C21orf91: variants seen among roughly 807,000 people sequenced by gnomAD.
The protein encoded by C21orf91 is protein EURL homolog.
A neutral mutation model predicts 32.9 loss-of-function variants in C21orf91; 26 were observed. The ratio of observed to expected loss-of-function variants is 0.79; its 90% CI spans 0.58 to 1.10. C21orf91 has a LOEUF of 1.10. Ranked by LOEUF, C21orf91 falls within the 50% of genes least tolerant of loss-of-function variation. The pLI is 0.00. For missense variants in C21orf91, 310 were observed against 341.3 expected, an observed-to-expected ratio of 0.91 and a Z score of 0.72; for synonymous variants, 126 against 120.4, an observed-to-expected ratio of 1.05 and a Z score of -0.31.
chr21:17,800,375 A>C (rs989887856), intron 2 of C21orf91, among the ~76,000 whole-genome samples: 12 of 152,214 alleles, frequency 7.9e-5, no homozygotes, highest in Non-Finnish European at 1.5e-4. Flanking sequence ...GAAAAAAATT[A>C]CTTTTTAATC....
In C21orf91 at chr21:17,793,624, C is replaced by T. The variant is rs371460924; in HGVS notation, c.728-43G>A. ...ACTTTCATTTTTAGTATGCAGAAAG[C>T]CGGTGCTATGATTTATATTTCAAGA... On this transcript the variant is annotated intron_variant, in intron 4 of 4. Coordinates refer to ENST00000284881, the MANE Select transcript of C21orf91 (RefSeq NM_001100420.2). The T allele has an allele frequency of 5.9e-6, 8 of 1,360,888 alleles. No individual in the cohort carries two copies. The African/African-American group carries it at 8.7e-5, about 15-fold the overall frequency. The allele number at this position is 1,360,888 out of a possible 1,614,324, so 84.3% of individuals were successfully genotyped here.
intron 2 of C21orf91, among the ~76,000 whole-genome samples, chr21:17,808,466 A>G (rs1309790205): frequency 6.6e-6 from 1 of 152,204 alleles, no homozygotes; most frequent in Non-Finnish European, 1.5e-5. Context: ...GAGCCCCCAC[A>G]AAGAGTCCCC....
chr21:17,808,079 T>TAA (rs2146258414), intron 2 of C21orf91, among the ~76,000 whole-genome samples: 1 of 152,210 alleles, frequency 6.6e-6, no homozygotes, highest in East Asian at 1.9e-4. Flanking sequence ...AGACCTTTGT[T>TAA]GCAGCCCTTC....
At chr21:17,808,068 G>A (rs2062609851) in intron 2 of C21orf91, among the ~76,000 whole-genome samples, 1 of 152,212 alleles carries the variant, frequency 6.6e-6, no homozygotes, top group South Asian at 2.1e-4. Context: ...AGGCATTTCA[G>A]AGACCTTTGT....
chr21:17,803,572 A>G (rs2062576502), intron 2 of C21orf91, among the ~76,000 whole-genome samples: 1 of 152,170 alleles, frequency 6.6e-6, no homozygotes, highest in Non-Finnish European at 1.5e-5. Context: ...AGCCTAAGTA[A>G]TTTTCCAAGA....
intron 4 of C21orf91, among the ~76,000 whole-genome samples, chr21:17,794,405 C>T (rs191564190): frequency 3.2e-4 from 48 of 152,308 alleles, no homozygotes; most frequent in African/African-American, 1.1e-3. Context: ...GAGACTGTGA[C>T]TGTTTTTTAA....
intron 2 of C21orf91, among the ~76,000 whole-genome samples, chr21:17,800,224 T>C (rs1182396156): frequency 5.3e-5 from 8 of 152,204 alleles, no homozygotes. Context: ...GTTACATCAG[T>C]CGTACTAAAA....
At chr21:17,795,067 CT>C (rs1213675819) in intron 4 of C21orf91, 140 bp downstream of exon 4, 9 of 576,044 alleles carry the variant, frequency 1.6e-5, no homozygotes, top group Non-Finnish European at 2.8e-5. Flanking sequence ...CTTTCTTATT[CT>C]TTTTGCTCTG....
chr21:17,794,447 T>C (rs555065823), intron 4 of C21orf91, among the ~76,000 whole-genome samples: 14 of 152,318 alleles, frequency 9.2e-5, no homozygotes, highest in Admixed American at 9.1e-4. Context: ...AATCCTAAAC[T>C]ATTTATGGAC....
At chr21:17,794,359 C>T (rs1032865784) in intron 4 of C21orf91, among the ~76,000 whole-genome samples, 6 of 152,136 alleles carry the variant, frequency 3.9e-5, no homozygotes, top group East Asian at 1.9e-4. Context: ...TACTTGATGA[C>T]GTTAAGGAAT....
Position 17,791,198 on chromosome 21 carries a change from C to T in C21orf91, c.*2217G>A, listed in dbSNP as rs1279353107. ...TTTGGATAAACTGCTGTGCAAAATA[C>T]TTCAACAAAAAGTTTTTTTTACTAG... On this transcript the variant is annotated 3_prime_UTR_variant, in exon 5 of 5. Transcript: ENST00000284881. The T allele has an allele frequency of 2.0e-5, 3 of 152,042 alleles. No homozygotes were observed. The highest frequency in any genetic ancestry group is 4.8e-5 in the African/African-American group (2 of 41,416). The allele number at this position is 152,042 out of a possible 1,614,324, so 9.4% of individuals were successfully genotyped here. A position where few individuals can be genotyped will look rare whatever the true frequency, so the allele number is the denominator to read the frequency against.
At chr21:17,797,701 G>A (rs1227199875) in intron 2 of C21orf91, among the ~76,000 whole-genome samples, 1 of 151,310 alleles carries the variant, frequency 6.6e-6, no homozygotes, top group Middle Eastern at 3.2e-3. Context: ...CCATTTTATA[G>A]TTACTAAAAC....
At position 17,793,534 on chromosome 21, in the gene C21orf91, C is replaced by T; in HGVS notation, c.775G>A (p.Ala259Thr). 1 of 1,613,654 alleles carries T rather than the reference C, an allele frequency of 6.2e-7. No individual in the cohort carries two copies. The highest frequency in any genetic ancestry group is 8.5e-7 in the Non-Finnish European group (1 of 1,179,702). ...ACGTGGCGGACATGGAGCTGTGAGGCCAAAGAATCTTTTTCTTGCACTTGG... is the reference window on the plus strand; with the variant it reads ...ACGTGGCGGACATGGAGCTGTGAGGTCAAAGAATCTTTTTCTTGCACTTGG... ...THQVQEKDSL[A>T]SQLHVRHVAI... The change falls in exon 5 of 5, where the codon GCC becomes ACC. Residue 259 changes from alanine to threonine, a missense_variant. Transcript: ENST00000284881.
intron 2 of C21orf91, among the ~76,000 whole-genome samples, chr21:17,805,530 T>C (rs1168844017): frequency 6.6e-6 from 1 of 152,088 alleles, no homozygotes; most frequent in Non-Finnish European, 1.5e-5. Flanking sequence ...GCCAGGCTGG[T>C]CTCAAACTCC....
At chr21:17,803,739 G>A (rs1186066960) in intron 2 of C21orf91, among the ~76,000 whole-genome samples, 2 of 152,118 alleles carry the variant, frequency 1.3e-5, no homozygotes, top group Non-Finnish European at 2.9e-5. Flanking sequence ...CAAATTCCAT[G>A]TTATTAGGAA....
At chr21:17,802,470 G>C (rs966815074) in intron 2 of C21orf91, among the ~76,000 whole-genome samples, 2 of 152,290 alleles carry the variant, frequency 1.3e-5, no homozygotes, top group South Asian at 4.1e-4. Flanking sequence ...ACAGTGGCGT[G>C]AGCCACTGTG....
At chr21:17,801,427 C>T (rs1271308807) in intron 2 of C21orf91, among the ~76,000 whole-genome samples, 1 of 151,994 alleles carries the variant, frequency 6.6e-6, no homozygotes, top group African/African-American at 2.4e-5. Context: ...CCCGCCACCA[C>T]GCCTGGCTAA....
rs776870138 is a variant in C21orf91, at chr21:17,796,883, A to G, written c.363T>C (p.Phe121=). 2 of 1,613,988 alleles carry G rather than the reference A, an allele frequency of 1.2e-6. No individual in the cohort carries two copies. Among genetic ancestry groups the G allele is most frequent in the South Asian group, 2.2e-5 (2 of 91,080 alleles). ...ECSKNPQHHL[F]NFRHKPEEKL... ...TTTCTTCTGGCTTATGCCTGAAATT[A>G]AACAGATGATGCTGGGGGTTTTTAG... Residue 121 remains phenylalanine (F), a synonymous_variant, in exon 3 of 5, where the codon TTT becomes TTC. Transcript: ENST00000284881.
At chr21:17,808,042 G>A (rs924263565) in intron 2 of C21orf91, among the ~76,000 whole-genome samples, 2 of 152,192 alleles carry the variant, frequency 1.3e-5, no homozygotes, top group Admixed American at 1.3e-4. Flanking sequence ...CCAAAACAAT[G>A]GGGAAAATGC....
Sources: allele counts gnomAD v4.1 joint callset (sites outside exome capture counted in the v4.1 genomes callset), GRCh38; gene constraint gnomAD v4.1.1; transcripts MANE v1.5; gene names NCBI Gene and HGNC (gene_info 2026-07-23, HGNC 2026-07-21).